The following SLC2A1 variants were observed in gnomAD, a reference collection of about 807,000 sequenced individuals.
SLC2A1 encodes the protein solute carrier family 2, facilitated glucose transporter member 1.
A neutral mutation model predicts 46.6 loss-of-function variants in SLC2A1; 4 were observed. The ratio of observed to expected loss-of-function variants is 0.09; its 90% CI spans 0.04 to 0.20. SLC2A1 has a LOEUF of 0.20. Ranked by LOEUF, SLC2A1 falls within the 10% of genes least tolerant of loss-of-function variation. The pLI is 1.00. For missense variants in SLC2A1, 352 were observed against 667.0 expected (o/e 0.53, Z 5.20); for synonymous variants, 253 against 270.0 (o/e 0.94, Z 0.62).
intron 1 of SLC2A1, among the ~76,000 whole-genome samples, chr1:42,949,250 G>C (rs1643695391): frequency 6.6e-6 from 1 of 150,462 alleles, no homozygotes; most frequent in Non-Finnish European, 1.5e-5. Flanking sequence ...ACTCTCAAAA[G>C]AAAAAAAAAT....
intron 1 of SLC2A1, among the ~76,000 whole-genome samples, chr1:42,958,015 G>A (rs1237790798): frequency 6.6e-6 from 1 of 152,190 alleles, no homozygotes; most frequent in Admixed American, 6.5e-5. Context: ...GTTCGAGCCC[G>A]GGCCTGGAGA....
In SLC2A1 at chr1:42,926,698, CAG is replaced by C. The variant is rs1643430202; in HGVS notation, c.*341_*342del. 1 of 1,343,416 alleles carries C rather than the reference CAG, an allele frequency of 7.4e-7. No individual in the cohort carries two copies. The highest frequency in any genetic ancestry group is 1.5e-5 in the African/African-American group (1 of 68,150). 83.2% of individuals were successfully genotyped at this position (1,343,416 alleles called of 1,614,324 possible). ...TGGGTGAAGAAGGCAAGTGTCTCGACAGGGCTTAGTCTCCACCCTCAGGCATG... is the reference window on the plus strand; with the variant it reads ...TGGGTGAAGAAGGCAAGTGTCTCGACGGCTTAGTCTCCACCCTCAGGCATG... On this transcript the variant is annotated 3_prime_UTR_variant, in exon 10 of 10. Coordinates refer to ENST00000426263, the MANE Select transcript of SLC2A1 (RefSeq NM_006516.4).
rs781571701 is a variant in SLC2A1 at position 42,930,843 on chromosome 1, T to C, written c.299A>G (p.Asn100Ser). The change falls in exon 4 of 10, where the codon AAC becomes AGC. Residue 100 changes from asparagine to serine, a missense_variant. By Grantham distance (46) the Asn-to-Ser change is conservative. This residue lies in a region of SLC2A1 where 97 missense variants were observed against 175.6 expected (regional missense o/e 0.55). Transcript: ENST00000426263. The surrounding 1 kb of genome is among the most constrained non-coding windows in gnomAD (Gnocchi z 6.2). ...FGRRNSMLMM[N>S]LLAFVSAVLM... ...CACGGCGGACACGAAGGCCAGCAGG[T>C]TCATCATCAGCATTGAATTCCGCCT... The C allele has an allele frequency of 6.2e-7, 1 of 1,600,566 alleles. No individual in the cohort carries two copies. The highest frequency in any genetic ancestry group is 1.1e-5 in the South Asian group (1 of 91,048).
At chr1:42,957,280 G>C (rs1390946483) in intron 1 of SLC2A1, among the ~76,000 whole-genome samples, 1 of 152,166 alleles carries the variant, frequency 6.6e-6, no homozygotes, top group Non-Finnish European at 1.5e-5. Context: ...AGCCTTCCCC[G>C]GGAACTTCCC....
chr1:42,950,546 C>T (rs1643710009), intron 1 of SLC2A1, among the ~76,000 whole-genome samples: 1 of 152,180 alleles, frequency 6.6e-6, no homozygotes, highest in Non-Finnish European at 1.5e-5. Flanking sequence ...AGAAGATACA[C>T]ATTTGGTGGT....
At chr1:42,958,577 C>G (rs1051187867) in intron 1 of SLC2A1, 57 bp downstream of exon 1, 5 of 1,445,146 alleles carry the variant, frequency 3.5e-6, no homozygotes, top group Non-Finnish European at 4.6e-6. Context: ...CGGCGTAAGG[C>G]GGGCAGGAGT....
rs748340730 is a variant in SLC2A1 at position 42,927,075 on chromosome 1, A to G, written c.1445T>C (p.Leu482Pro). The G allele has an allele frequency of 3.3e-5, 53 of 1,614,182 alleles. No homozygotes were observed. Among genetic ancestry groups the G allele is most frequent in the Non-Finnish European group, 4.5e-5 (53 of 1,180,026 alleles). The part of the protein sequence containing the change: ...ASQSDKTPEE[L>P]FHPLGADSQV The stretch of plus-strand genomic sequence containing the variant: ...GGAATCAGCCCCCAGGGGATGGAAC[A>G]GCTCCTCGGGTGTCTTGTCACTTTG... The change falls in exon 10 of 10, where the codon CTG becomes CCG. Residue 482 changes from leucine to proline, a missense_variant. Around this residue, in one of 5 missense-constraint regions of SLC2A1, gnomAD observed 41 missense variants for 49.1 expected, o/e 0.83. Coordinates refer to ENST00000426263, the MANE Select transcript of SLC2A1 (RefSeq NM_006516.4). This position sits in a 1 kb window ranked among gnomAD's most constrained non-coding sequence, Gnocchi z 5.3.
Position 42,943,325 on chromosome 1 carries a change from C to T in SLC2A1, c.19-4G>A, listed in dbSNP as rs398124229. 6.2e-6 allele frequency: 10 copies of T among 1,610,382 alleles called. No homozygotes were observed. The highest frequency in any genetic ancestry group is 8.5e-6 in the Non-Finnish European group (10 of 1,177,384). ...GCATGAGGCGACCCGTCAGCTTCTG[C>T]GGAGAAACAAACCACACTGTTATAG... is the stretch of plus-strand genomic sequence containing the variant. On this transcript the variant is annotated splice_polypyrimidine_tract_variant and splice_region_variant and intron_variant, in intron 1 of 9. Coordinates refer to ENST00000426263, the MANE Select transcript of SLC2A1 (RefSeq NM_006516.4).
At chr1:42,944,628 C>CG (rs3835667) in intron 1 of SLC2A1, among the ~76,000 whole-genome samples, 74,788 of 152,006 alleles carry the variant, frequency 0.49, 21,848 homozygotes, top group African/African-American at 0.82. Context: ...TCTCTGAAAG[C>CG]GTCAGTCAGG....
chr1:42,927,775 C>T lies in SLC2A1; in HGVS notation c.1108G>A (p.Val370Met), dbSNP rs751573593. ...AAGGCCACAAAGCCAAAGATGGCCACGATGCTCAGATAGGACATCCAGGGT... is the reference window on the plus strand; with the variant it reads ...AAGGCCACAAAGCCAAAGATGGCCATGATGCTCAGATAGGACATCCAGGGT... ...QLPWMSYLSI[V>M]AIFGFVAFFE... is the part of the protein sequence containing the mutation. Residue 370 changes from valine to methionine, a missense_variant, in exon 9 of 10, where the codon GTG (valine) becomes ATG (methionine). By Grantham distance (21) the Val-to-Met change is conservative (BLOSUM62 1). Transcript: ENST00000426263. The surrounding 1 kb of genome is among the most constrained non-coding windows in gnomAD (Gnocchi z 5.3). 91 of 1,613,646 alleles carry T rather than the reference C, an allele frequency of 5.6e-5. 1 individual carries two copies. Among genetic ancestry groups the T allele is most frequent in the East Asian group, 2.5e-4 (11 of 44,886 alleles).
Position 42,927,250 on chromosome 1 carries a change from C to T in SLC2A1, c.1279-9G>A, listed in dbSNP as rs1643436993. The T allele has an allele frequency of 6.2e-7, 1 of 1,613,296 alleles. No homozygotes were observed. Among genetic ancestry groups the T allele is most frequent in the Non-Finnish European group, 8.5e-7 (1 of 1,179,476 alleles). On this transcript the variant is annotated splice_polypyrimidine_tract_variant and intron_variant, in intron 9 of 9. Transcript: ENST00000426263. This position sits in a 1 kb window ranked among gnomAD's most constrained non-coding sequence, Gnocchi z 5.3. The stretch of plus-strand genomic sequence containing the variant: ...TAGGGACCACACAGTTGCTGAAAGA[C>T]ACACAGACACACTTGGTTGGAGTCA...
At chr1:42,941,568 C>T (rs1643598664) in intron 2 of SLC2A1, among the ~76,000 whole-genome samples, 1 of 152,210 alleles carries the variant, frequency 6.6e-6, no homozygotes, top group East Asian at 1.9e-4. Context: ...ACAGTCAAGA[C>T]ATCATTAAAT....
At chr1:42,953,718 ACACCCCGTGAC>A (rs1041885383) in intron 1 of SLC2A1, among the ~76,000 whole-genome samples, 1 of 152,198 alleles carries the variant, frequency 6.6e-6, no homozygotes, top group African/African-American at 2.4e-5. Context: ...CTCTGGGCCG[ACACCCCGTGAC>A]CAGGAGGCAC....
At chr1:42,944,283 G>A (rs1248241399) in intron 1 of SLC2A1, among the ~76,000 whole-genome samples, 1 of 152,218 alleles carries the variant, frequency 6.6e-6, no homozygotes, top group African/African-American at 2.4e-5. Context: ...CTTAGCCACA[G>A]GTGACTGAGA....
At chr1:42,931,641 C>A (rs929011173) in intron 2 of SLC2A1, among the ~76,000 whole-genome samples, 1 of 151,912 alleles carries the variant, frequency 6.6e-6, no homozygotes, top group African/African-American at 2.4e-5. Flanking sequence ...GCCAGACCAA[C>A]ATGGTGAAAC....
At chr1:42,941,099 G>GC (rs1557650513) in intron 2 of SLC2A1, among the ~76,000 whole-genome samples, 7 of 152,244 alleles carry the variant, frequency 4.6e-5, no homozygotes, top group African/African-American at 1.7e-4. Context: ...CTAGTCCAAC[G>GC]GCAACTTTCT....
chr1:42,936,872 C>T (rs1643546786), intron 2 of SLC2A1, among the ~76,000 whole-genome samples: 1 of 152,134 alleles, frequency 6.6e-6, no homozygotes, highest in Non-Finnish European at 1.5e-5. Context: ...AGCCTTCCTC[C>T]CGAGAACCAC....
chr1:42,946,447 G>T (rs1643655985), intron 1 of SLC2A1, among the ~76,000 whole-genome samples: 1 of 151,448 alleles, frequency 6.6e-6, no homozygotes, highest in East Asian at 1.9e-4. Flanking sequence ...CAGTGGGGAG[G>T]CAGATGAAGA....
chr1:42,940,862 T>C (rs1443354301), intron 2 of SLC2A1, among the ~76,000 whole-genome samples: 1 of 152,116 alleles, frequency 6.6e-6, no homozygotes, highest in Non-Finnish European at 1.5e-5. Flanking sequence ...AACAGACCCA[T>C]ACATACAGGT....
Sources: gnomAD v4.1 joint callset for allele counts (sites outside exome capture counted in the v4.1 genomes callset) on GRCh38, gnomAD v4.1.1 for gene constraint, gnomAD v4.1.1 regional missense constraint, Gnocchi (gnomAD v3.1) non-coding constraint, MANE v1.5 for transcripts, NCBI Gene and HGNC (gene_info 2026-07-23, HGNC 2026-07-21) for gene names.